SLC1A3: variants seen among roughly 807,000 people sequenced by gnomAD.
SLC1A3 encodes the protein solute carrier family 1 member 3.
In SLC1A3, 21 loss-of-function variants were observed where a neutral mutation model predicts 48.1. That is an observed-to-expected ratio of 0.44 (90% CI 0.31 to 0.63). SLC1A3 has a LOEUF of 0.63. SLC1A3 is among the 20% of genes least tolerant of loss of function. SLC1A3 has a pLI of 0.08. For synonymous variants in SLC1A3, 239 were observed against 251.4 expected (o/e 0.95, Z 0.47); for missense variants, 546 against 689.0 (o/e 0.79, Z 2.32).
intron 2 of SLC1A3, among the ~76,000 whole-genome samples, chr5:36,619,785 C>A (rs1739592109): frequency 6.6e-6 from 1 of 152,112 alleles, no homozygotes; most frequent in South Asian, 2.1e-4. Flanking sequence ...GCATGCCTGC[C>A]ATAATAATTG....
chr5:36,679,617 T>C lies in SLC1A3; in HGVS notation c.861-10T>C, dbSNP rs755377295. On this transcript the variant is annotated splice_polypyrimidine_tract_variant and intron_variant, in intron 6 of 9. Coordinates refer to ENST00000265113, the MANE Select transcript of SLC1A3 (RefSeq NM_004172.5). ...CAGACTCCAACCGTGCTGGTGTTGC[T>C]TCTCCCCAGGTATGCCCCCGTGGGT... 12 of 1,595,646 alleles carry C rather than the reference T, an allele frequency of 7.5e-6. No individual in the cohort carries two copies. Among genetic ancestry groups the C allele is most frequent in the Middle Eastern group, 1.7e-4 (1 of 5,994 alleles).
intron 2 of SLC1A3, among the ~76,000 whole-genome samples, chr5:36,614,517 C>T (rs1244240281): frequency 6.6e-6 from 1 of 152,104 alleles, no homozygotes; most frequent in African/African-American, 2.4e-5. Context: ...TGTCCCTTAC[C>T]GATCTGGCCT....
intron 2 of SLC1A3, among the ~76,000 whole-genome samples, chr5:36,621,245 G>A (rs1398155766): frequency 1.3e-5 from 2 of 152,128 alleles, no homozygotes; most frequent in African/African-American, 2.4e-5. Context: ...TGGATATGTG[G>A]GAATGATGTT....
chr5:36,672,019 G>A (rs771164349), intron 4 of SLC1A3, among the ~76,000 whole-genome samples: 25 of 152,182 alleles, frequency 1.6e-4, no homozygotes, highest in Non-Finnish European at 3.1e-4. Context: ...TTGCCAAGGT[G>A]CGGGCAGCCT....
At position 36,678,893 on chromosome 5, in the gene SLC1A3, A is replaced by T. The variant is rs373831969; in HGVS notation, c.861-734A>T. ...TGCACATTATTAAGTTTAATAATGA[A>T]TTTATTTTATGGACATCTTCTAATT... On this transcript the variant is annotated intron_variant, in intron 6 of 9. Coordinates refer to ENST00000265113, the MANE Select transcript of SLC1A3 (RefSeq NM_004172.5). Among the ~76,000 whole-genome samples, 132 of 152,342 alleles carry T rather than the reference A, an allele frequency of 8.7e-4. 1 individual carries two copies. The highest frequency in any genetic ancestry group is 3.0e-3 in the African/African-American group (126 of 41,570).
intron 3 of SLC1A3, 173 bp from the exon 4 acceptor site, chr5:36,670,856 G>T: frequency 3.0e-6 from 2 of 665,142 alleles, no homozygotes; most frequent in Admixed American, 2.1e-5. Flanking sequence ...TCTAGCCTCG[G>T]CCTTTTCCCT....
rs145356164 is a variant in SLC1A3, at chr5:36,684,468, C to T, written c.1424+470C>T. Reference sequence around the variant, plus strand: ...AGCTATGCCGACACTGGGAAGAGAGCTAGTGTCATTAAGTGGAATTGAGTT... The same window carrying T: ...AGCTATGCCGACACTGGGAAGAGAGTTAGTGTCATTAAGTGGAATTGAGTT... On this transcript the variant is annotated intron_variant, in intron 9 of 9. Coordinates refer to ENST00000265113, the MANE Select transcript of SLC1A3 (RefSeq NM_004172.5). Among the ~76,000 whole-genome samples the T allele has an allele frequency of 4.3e-3, 660 of 152,306 alleles. 6 individuals carry two copies. Among genetic ancestry groups the T allele is most frequent in the African/African-American group, 0.015 (630 of 41,570 alleles).
Position 36,612,948 on chromosome 5 carries a change from C to T in SLC1A3, c.181+4344C>T, listed in dbSNP as rs576708336. ...TGGAAAAGAGAGGTCGAACTGAAAGCCCACTGGTGAGACTTGGCAATTGAT... is the reference window on the plus strand; with the variant it reads ...TGGAAAAGAGAGGTCGAACTGAAAGTCCACTGGTGAGACTTGGCAATTGAT... On this transcript the variant is annotated intron_variant, in intron 2 of 9. Transcript: ENST00000265113. 35 of 421,896 alleles carry T rather than the reference C, an allele frequency of 8.3e-5. No homozygotes were observed. In the East Asian group the frequency reaches 2.6e-3, roughly 31 times the overall value. 26.1% of individuals were successfully genotyped at this position (421,896 alleles called of 1,614,324 possible).
intron 2 of SLC1A3, among the ~76,000 whole-genome samples, chr5:36,626,456 T>C (rs1481877602): frequency 3.3e-5 from 5 of 152,250 alleles, no homozygotes; most frequent in African/African-American, 1.2e-4. Flanking sequence ...CCAACTTGGA[T>C]ATGAATTTGT....
At chr5:36,655,423 C>T (rs1488055514) in intron 3 of SLC1A3, among the ~76,000 whole-genome samples, 1 of 152,176 alleles carries the variant, frequency 6.6e-6, no homozygotes, top group Non-Finnish European at 1.5e-5. Context: ...TACTTCACCC[C>T]GTTTCTGCTG....
chr5:36,650,511 A>C (rs561397499), intron 3 of SLC1A3, among the ~76,000 whole-genome samples: 1 of 152,180 alleles, frequency 6.6e-6, no homozygotes, highest in Non-Finnish European at 1.5e-5. Context: ...CACATTCTCT[A>C]TCACCAGCTT....
chr5:36,644,058 T>TAAA (rs1740739597), intron 3 of SLC1A3, among the ~76,000 whole-genome samples: 1 of 151,288 alleles, frequency 6.6e-6, no homozygotes, highest in African/African-American at 2.4e-5. Flanking sequence ...AATAAATAAA[T>TAAA]TGCAATGTGA....
intron 2 of SLC1A3, among the ~76,000 whole-genome samples, chr5:36,626,189 G>T (rs1739897047): frequency 6.6e-6 from 1 of 152,186 alleles, no homozygotes; most frequent in African/African-American, 2.4e-5. Context: ...AACCAGTGTT[G>T]TTGTATCAAT....
chr5:36,600,750 A>G (rs1278455889), intron 1 of SLC1A3, among the ~76,000 whole-genome samples: 1 of 152,198 alleles, frequency 6.6e-6, no homozygotes, highest in African/African-American at 2.4e-5. Context: ...CTTAGAATCA[A>G]TCCATAGGCA....
At chr5:36,642,218 T>C (rs1032212474) in intron 3 of SLC1A3, among the ~76,000 whole-genome samples, 1 of 152,234 alleles carries the variant, frequency 6.6e-6, no homozygotes, top group African/African-American at 2.4e-5. Flanking sequence ...GAAGTCACCA[T>C]ATAACTTCCC....
chr5:36,612,479 G>C (rs572384964), intron 2 of SLC1A3, among the ~76,000 whole-genome samples: 18 of 151,910 alleles, frequency 1.2e-4, no homozygotes, highest in African/African-American at 4.4e-4. Context: ...CAGCTACTTG[G>C]GGGGGCTGAA....
chr5:36,607,021 G>A (rs1052025740), intron 1 of SLC1A3: 6 of 135,328 alleles, frequency 4.4e-5, no homozygotes, highest in Non-Finnish European at 7.8e-5. Context: ...ACTGGTAAGA[G>A]GAATCAGAGC....
intron 3 of SLC1A3, among the ~76,000 whole-genome samples, chr5:36,633,944 G>C (rs747546585): frequency 1.3e-5 from 2 of 152,086 alleles, no homozygotes; most frequent in South Asian, 4.1e-4. Context: ...CCTAACAAAG[G>C]CTCTGGGAGC....
intron 3 of SLC1A3, chr5:36,670,790 C>T (rs1741957353): frequency 1.8e-6 from 1 of 571,302 alleles, no homozygotes; most frequent in Non-Finnish European, 3.2e-6. Context: ...GAAATCAACT[C>T]TTGGGGCAGA....
Sources: allele counts gnomAD v4.1 joint callset (sites outside exome capture counted in the v4.1 genomes callset), GRCh38; gene constraint gnomAD v4.1.1; transcripts MANE v1.5; gene names NCBI Gene and HGNC (gene_info 2026-07-23, HGNC 2026-07-21).